Variants in ADCY3 observed in about 807,000 individuals in gnomAD.
The protein encoded by ADCY3 is adenylate cyclase 3.
In ADCY3, 70 loss-of-function variants were observed where a neutral mutation model predicts 119.4. That is an observed-to-expected ratio of 0.59 (90% CI 0.48 to 0.72). The LOEUF (loss-of-function observed/expected upper bound fraction) is 0.72, where lower values mean the gene tolerates loss of function less well. Ranked by LOEUF, ADCY3 falls within the 30% of genes least tolerant of loss-of-function variation. The probability of loss-of-function intolerance (pLI) is 0.00; values close to 1 mark genes in which losing one functional copy is unlikely to be tolerated. For synonymous variants in ADCY3, 672 were observed against 621.4 expected, an observed-to-expected ratio of 1.08 and a Z score of -1.21; for missense variants, 1,238 against 1,541.6, an observed-to-expected ratio of 0.80 and a Z score of 3.30.
At chr2:24,839,634 A>AGG (rs1402553720) in intron 7 of ADCY3, among the ~76,000 whole-genome samples, 1 of 152,220 alleles carries the variant, frequency 6.6e-6, no homozygotes, top group African/African-American at 2.4e-5. Flanking sequence ...AGGCTACTGC[A>AGG]GGGTCCAGGA....
At chr2:24,838,721 G>A in intron 7 of ADCY3, 99 bp from the exon 8 acceptor site, 1 of 1,588,038 alleles carries the variant, frequency 6.3e-7, no homozygotes, top group Non-Finnish European at 8.6e-7. Flanking sequence ...CTGCTGCTCG[G>A]CCCCGTGTCT....
rs139763098 is a variant in ADCY3 at position 24,834,606 on chromosome 2, T to A, written c.1846A>T (p.Met616Leu). ...TAGCGGGTTTCCATCTCGGGGTCCA[T>A]GAACCGCATGGACAAGAGGAAGGTG... ...RNTFLLSMRFMDPEMETRYSV... is the reference protein window; with the variant it reads ...RNTFLLSMRFLDPEMETRYSV... The change falls in exon 11 of 22, where the codon ATG becomes TTG. Residue 616 changes from methionine to leucine, a missense_variant. By Grantham distance (15) the Met-to-Leu change is conservative. Transcript: ENST00000679454. The surrounding 1 kb of genome is among the most constrained non-coding windows in gnomAD (Gnocchi z 4.2). The A allele has an allele frequency of 6.8e-6, 11 of 1,613,968 alleles. No individual in the cohort carries two copies. In the African/African-American group the frequency reaches 1.5e-4, roughly 22 times the overall value.
chr2:24,853,692 C>T (rs1672666490), intron 3 of ADCY3, among the ~76,000 whole-genome samples: 1 of 151,774 alleles, frequency 6.6e-6, no homozygotes, highest in Non-Finnish European at 1.5e-5. Flanking sequence ...CTGGTGACCT[C>T]AGGTGATCTG....
At chr2:24,904,526 A>G (rs1679256496) in intron 2 of ADCY3, among the ~76,000 whole-genome samples, 1 of 152,064 alleles carries the variant, frequency 6.6e-6, no homozygotes, top group Non-Finnish European at 1.5e-5. Flanking sequence ...ATCTCAAAAA[A>G]AAAGAAAAGA....
At chr2:24,877,765 C>A (rs567366779) in intron 2 of ADCY3, among the ~76,000 whole-genome samples, 124 of 152,372 alleles carry the variant, frequency 8.1e-4, no homozygotes, top group African/African-American at 2.9e-3. Context: ...GTTCTGCACA[C>A]ACACAGGCAC....
At position 24,849,784 on chromosome 2, in the gene ADCY3, G is replaced by A. The variant is rs147495545; in HGVS notation, c.826-7400C>T. Among the ~76,000 whole-genome samples, 317 of 152,270 alleles carry A rather than the reference G, an allele frequency of 2.1e-3. 3 individuals carry two copies. Among genetic ancestry groups the A allele is most frequent in the African/African-American group, 7.2e-3 (300 of 41,560 alleles). On this transcript the variant is annotated intron_variant, in intron 3 of 21. Transcript: ENST00000679454. ...GGGGGTCTGGGAGACGAAGGCCCAC[G>A]GAGGGAGGGGCCCTCCCCCTGCCAC...
chr2:24,830,083 T>C (rs541774950), intron 13 of ADCY3, among the ~76,000 whole-genome samples: 9,124 of 149,402 alleles, frequency 0.061, 541 homozygotes, highest in East Asian at 0.18. Context: ...TGCTGTCGCC[T>C]AGGCTGGAGT....
chr2:24,826,310 T>G, intron 15 of ADCY3, 184 bp from the exon 16 acceptor site: 1 of 580,934 alleles, frequency 1.7e-6, no homozygotes, highest in Non-Finnish European at 3.1e-6. Context: ...CTCACTGGGC[T>G]CCTCTCCAAC....
intron 2 of ADCY3, among the ~76,000 whole-genome samples, chr2:24,888,961 G>A (rs1240237514): frequency 6.6e-6 from 1 of 152,132 alleles, no homozygotes; most frequent in Non-Finnish European, 1.5e-5. Context: ...GTGAGCTGAG[G>A]TCACACCACT....
At chr2:24,912,302 G>GAA (rs367822938) in intron 2 of ADCY3, among the ~76,000 whole-genome samples, 1 of 109,894 alleles carries the variant, frequency 9.1e-6, no homozygotes. Context: ...GTCTCTATTT[G>GAA]AAAAAAAAAA....
At chr2:24,881,057 C>G (rs1242678187) in intron 2 of ADCY3, among the ~76,000 whole-genome samples, 1 of 151,740 alleles carries the variant, frequency 6.6e-6, no homozygotes, top group Non-Finnish European at 1.5e-5. Context: ...TGGCTTTGAC[C>G]ACGTGATTTG....
chr2:24,827,693 T>C, intron 14 of ADCY3, 85 bp from the exon 15 acceptor site: 1 of 1,462,306 alleles, frequency 6.8e-7, no homozygotes, highest in Non-Finnish European at 9.4e-7. Flanking sequence ...TCCCAAGTCC[T>C]CCACTCGGGG....
chr2:24,851,972 G>T (rs761414512), intron 3 of ADCY3, among the ~76,000 whole-genome samples: 4 of 152,194 alleles, frequency 2.6e-5, no homozygotes, highest in Admixed American at 6.5e-5. Context: ...CTCTACCGCA[G>T]CACCCGATTA....
At chr2:24,825,755 G>T in intron 16 of ADCY3, 1 of 439,536 alleles carries the variant, frequency 2.3e-6, no homozygotes, top group Non-Finnish European at 4.1e-6. Flanking sequence ...AGGGGATATT[G>T]ATTTGATTCA....
chr2:24,849,587 T>G (rs1213120416), intron 3 of ADCY3, among the ~76,000 whole-genome samples: 2 of 152,236 alleles, frequency 1.3e-5, no homozygotes, highest in African/African-American at 4.8e-5. Flanking sequence ...GCTTATAAAT[T>G]CAGGCTGCCA....
chr2:24,861,388 AT>A (rs1421810694), intron 3 of ADCY3, among the ~76,000 whole-genome samples: 2 of 152,072 alleles, frequency 1.3e-5, no homozygotes, highest in Non-Finnish European at 2.9e-5. Context: ...GACACTCATA[AT>A]TTTTTTAAAT....
chr2:24,894,443 C>T (rs1678030699), intron 2 of ADCY3, among the ~76,000 whole-genome samples: 2 of 152,216 alleles, frequency 1.3e-5, no homozygotes, highest in African/African-American at 2.4e-5. Flanking sequence ...CCACTGCTGT[C>T]GAGCCTGGGC....
intron 2 of ADCY3, among the ~76,000 whole-genome samples, chr2:24,873,935 A>T (rs1013421068): frequency 6.6e-6 from 1 of 152,232 alleles, no homozygotes; most frequent in African/African-American, 2.4e-5. Context: ...TCAGGGGATA[A>T]AAGATTGGCC....
chr2:24,821,061 T>G, intron 20 of ADCY3: 2 of 622,264 alleles, frequency 3.2e-6, no homozygotes, highest in Admixed American at 3.2e-5. Flanking sequence ...CCCCCCCATA[T>G]GCAGATTTAC....
Sources: allele counts gnomAD v4.1 joint callset (sites outside exome capture counted in the v4.1 genomes callset), GRCh38; gene constraint gnomAD v4.1.1; non-coding constraint Gnocchi (gnomAD v3.1); transcripts MANE v1.5; gene names NCBI Gene and HGNC (gene_info 2026-07-23, HGNC 2026-07-21).